Variants in PDE4B observed in about 807,000 individuals in gnomAD.
PDE4B encodes the protein 3',5'-cyclic-AMP phosphodiesterase 4B.
Under a neutral mutation model 82.2 loss-of-function variants are expected in PDE4B, and 20 were observed. The observed-to-expected ratio is 0.24, with a 90% CI of 0.17 to 0.35. The LOEUF is 0.35. Ranked by LOEUF, PDE4B falls within the 10% of genes least tolerant of loss-of-function variation. The pLI is 1.00. For missense variants in PDE4B, 655 were observed against 907.2 expected (o/e 0.72, Z 3.57); for synonymous variants, 320 against 318.9 (o/e 1.00, Z -0.04).
intron 1 of PDE4B, among the ~76,000 whole-genome samples, chr1:65,903,592 A>T (rs979283270): frequency 2.6e-5 from 4 of 152,172 alleles, no homozygotes; most frequent in East Asian, 1.9e-4. Flanking sequence ...AATAATTTTT[A>T]AAAAATTTAA....
chr1:66,124,911 G>A (rs1268238434), intron 3 of PDE4B, among the ~76,000 whole-genome samples: 1 of 53,618 alleles, frequency 1.9e-5, no homozygotes, highest in Non-Finnish European at 3.6e-5. Flanking sequence ...AGCTGTGTGT[G>A]TGTATGCGTG....
At chr1:66,079,497 C>T (rs543555933) in intron 3 of PDE4B, among the ~76,000 whole-genome samples, 1 of 152,188 alleles carries the variant, frequency 6.6e-6, no homozygotes, top group South Asian at 2.1e-4. Context: ...AGTAGCACAT[C>T]GTTTTTGTAG....
chr1:65,825,559 A>G (rs745568281), intron 1 of PDE4B, among the ~76,000 whole-genome samples: 1 of 152,004 alleles, frequency 6.6e-6, no homozygotes. Flanking sequence ...GAAAACATCT[A>G]TTGGGGCCAG....
intron 3 of PDE4B, among the ~76,000 whole-genome samples, chr1:66,139,757 A>AAC (rs1557589122): frequency 8.6e-5 from 13 of 151,696 alleles, no homozygotes; most frequent in African/African-American, 3.2e-4. Context: ...AAAAAACAAA[A>AAC]AACAACAACC....
chr1:65,956,612 C>T (rs144132572), intron 3 of PDE4B, among the ~76,000 whole-genome samples: 59 of 152,240 alleles, frequency 3.9e-4, no homozygotes, highest in African/African-American at 1.4e-3. Context: ...AATAACCTAG[C>T]AAACTTCCAG....
At chr1:66,247,925 C>T (rs1038620818) in intron 4 of PDE4B, among the ~76,000 whole-genome samples, 1 of 152,182 alleles carries the variant, frequency 6.6e-6, no homozygotes, top group Non-Finnish European at 1.5e-5. Flanking sequence ...TATTTTGCTT[C>T]ATTTCCTGAA....
At chr1:66,106,917 G>GT (rs1195646640) in intron 3 of PDE4B, among the ~76,000 whole-genome samples, 1 of 138,588 alleles carries the variant, frequency 7.2e-6, no homozygotes, top group African/African-American at 2.6e-5. Context: ...TTTTTGAAGG[G>GT]TTTTTTGTGT....
intron 3 of PDE4B, among the ~76,000 whole-genome samples, chr1:65,945,460 C>T (rs577120051): frequency 2.0e-5 from 3 of 152,028 alleles, no homozygotes; most frequent in South Asian, 2.1e-4. Context: ...CAAGAATACA[C>T]GTTAATTCCG....
chr1:66,165,712 C>T (rs1264325928), intron 3 of PDE4B, among the ~76,000 whole-genome samples: 1 of 151,880 alleles, frequency 6.6e-6, no homozygotes, highest in Non-Finnish European at 1.5e-5. Context: ...ATGCTGAAAA[C>T]TACAAAACAT....
intron 1 of PDE4B, among the ~76,000 whole-genome samples, chr1:65,902,510 G>A (rs1646982724): frequency 6.6e-6 from 1 of 152,034 alleles, no homozygotes; most frequent in African/African-American, 2.4e-5. Context: ...AGCCTTCCCT[G>A]GTCCTCCTAG....
chr1:65,913,595 C>A (rs1647122417), intron 2 of PDE4B, among the ~76,000 whole-genome samples: 1 of 152,140 alleles, frequency 6.6e-6, no homozygotes, highest in Non-Finnish European at 1.5e-5. Flanking sequence ...ATCACAGAAC[C>A]ACCAATCTCT....
chr1:65,979,291 C>T (rs1394682321), intron 3 of PDE4B, among the ~76,000 whole-genome samples: 1 of 152,196 alleles, frequency 6.6e-6, no homozygotes, highest in Non-Finnish European at 1.5e-5. Context: ...AGATTGCCTT[C>T]CTGCCTTTGG....
chr1:66,167,032 G>A (rs187882073), intron 3 of PDE4B, among the ~76,000 whole-genome samples: 194 of 152,296 alleles, frequency 1.3e-3, no homozygotes, highest in Non-Finnish European at 2.2e-3. Context: ...GATGGCTATG[G>A]TCAATAAGAC....
At chr1:66,004,162 G>C (rs975690964) in intron 3 of PDE4B, among the ~76,000 whole-genome samples, 2 of 152,174 alleles carry the variant, frequency 1.3e-5, no homozygotes, top group Non-Finnish European at 2.9e-5. Flanking sequence ...AGTAATGTGT[G>C]TATGATGGTT....
intron 3 of PDE4B, among the ~76,000 whole-genome samples, chr1:66,115,322 A>T (rs752444948): frequency 6.6e-6 from 1 of 152,200 alleles, no homozygotes; most frequent in Non-Finnish European, 1.5e-5. Context: ...TCTGGAGTTG[A>T]TCTGAACATA....
At chr1:65,988,810 T>A (rs1043500829) in intron 3 of PDE4B, among the ~76,000 whole-genome samples, 2 of 152,134 alleles carry the variant, frequency 1.3e-5, no homozygotes, top group African/African-American at 2.4e-5. Flanking sequence ...TTTAAAATAC[T>A]TTTGTTTTAT....
intron 8 of PDE4B, among the ~76,000 whole-genome samples, chr1:66,337,430 A>T (rs1260636008): frequency 2.0e-5 from 3 of 152,210 alleles, no homozygotes; most frequent in Non-Finnish European, 4.4e-5. Context: ...GATGTGCTGC[A>T]GGCATACACA....
chr1:66,061,715 C>G (rs1382188155), intron 3 of PDE4B, among the ~76,000 whole-genome samples: 1 of 152,078 alleles, frequency 6.6e-6, no homozygotes, highest in East Asian at 1.9e-4. Context: ...TATTCTCTTA[C>G]TGCTTACAAA....
chr1:65,888,724 G>A (rs1488526727), intron 1 of PDE4B, among the ~76,000 whole-genome samples: 1 of 151,826 alleles, frequency 6.6e-6, no homozygotes, highest in African/African-American at 2.4e-5. Context: ...AACTTGTGTT[G>A]CCTTCTTGAT....
Sources: allele counts gnomAD v4.1 joint callset (sites outside exome capture counted in the v4.1 genomes callset), GRCh38; gene constraint gnomAD v4.1.1; transcripts MANE v1.5; gene names NCBI Gene and HGNC (gene_info 2026-07-23, HGNC 2026-07-21).